The following ARSF variants were observed in gnomAD, a reference collection of about 807,000 sequenced individuals.
ARSF encodes the protein arylsulfatase F.
In ARSF, 33 loss-of-function variants were observed where a neutral mutation model predicts 35.4. That is an observed-to-expected ratio of 0.93 (90% CI 0.71 to 1.25). The LOEUF (loss-of-function observed/expected upper bound fraction) is 1.25. ARSF is among the 50% of genes most tolerant of loss of function. The probability of loss-of-function intolerance (pLI) is 0.00; values close to 1 mark genes in which losing one functional copy is unlikely to be tolerated. For missense variants in ARSF, 501 were observed against 480.2 expected (o/e 1.04, Z -0.40); for synonymous variants, 222 against 193.1 (o/e 1.15, Z -1.24).
chrX:3,093,059 G>A (rs920230143), intron 7 of ARSF, among the ~76,000 whole-genome samples: 3 of 110,125 alleles, frequency 2.7e-5, no homozygotes, highest in Non-Finnish European at 5.7e-5. Flanking sequence ...CCAGCTACTC[G>A]GGAGGCTGAG....
At chrX:3,061,060 G>A (rs1331911851) in intron 1 of ARSF, among the ~76,000 whole-genome samples, 1 of 111,308 alleles carries the variant, frequency 9.0e-6, no homozygotes, top group Non-Finnish European at 1.9e-5. Context: ...GAGAAAGGTC[G>A]GGTTACCCAC....
chrX:3,046,520 A>G (rs2089976163), intron 1 of ARSF, among the ~76,000 whole-genome samples: 1 of 112,241 alleles, frequency 8.9e-6, no homozygotes, highest in African/African-American at 3.2e-5. Flanking sequence ...CAAAGCCACC[A>G]GAGGAATTTA....
At chrX:3,089,976 G>A (rs2090277157) in intron 7 of ARSF, among the ~76,000 whole-genome samples, 1 of 111,354 alleles carries the variant, frequency 9.0e-6, no homozygotes, top group African/African-American at 3.3e-5. Context: ...TTACCTGGGT[G>A]TATTACGTGA....
At chrX:3,066,782 G>A (rs946312974) in intron 1 of ARSF, 7 of 110,737 alleles carry the variant, frequency 6.3e-5, no homozygotes, top group Non-Finnish European at 1.1e-4. Context: ...CTTTCGTAAT[G>A]ATTCGAGGCA....
intron 2 of ARSF, among the ~76,000 whole-genome samples, chrX:3,069,833 G>A (rs1470651376): frequency 9.1e-6 from 1 of 109,669 alleles, no homozygotes; most frequent in African/African-American, 3.3e-5. Context: ...TTTGAAATAC[G>A]CCTGCATTTT....
At chrX:3,084,704 A>G (rs376314699) in intron 6 of ARSF, 38 bp downstream of exon 6, 3 of 1,115,896 alleles carry the variant, frequency 2.7e-6, no homozygotes, top group Non-Finnish European at 2.4e-6. Flanking sequence ...AATAATGATA[A>G]TGATCTCTTT....
chrX:3,106,534 C>A (rs1025899609), intron 9 of ARSF, among the ~76,000 whole-genome samples: 2 of 111,740 alleles, frequency 1.8e-5, no homozygotes, highest in African/African-American at 6.5e-5. Context: ...CTTCAATCCC[C>A]AACACAATGA....
At chrX:3,062,655 ATGAGAGAATAC>A (rs1318339964) in intron 1 of ARSF, among the ~76,000 whole-genome samples, 2 of 111,965 alleles carry the variant, frequency 1.8e-5, no homozygotes, top group African/African-American at 6.5e-5. Context: ...ACAAACTACC[ATGAGAGAATAC>A]TATAAACACC....
chrX:3,071,945 C>T (rs2090107306), intron 2 of ARSF, 81 bp from the exon 3 acceptor site: 5 of 1,022,374 alleles, frequency 4.9e-6, no homozygotes, highest in Middle Eastern at 3.5e-4. Context: ...TCCAAAGACC[C>T]CTGTTGTGTT....
Position 3,042,794 on chromosome X carries a change from G to A in ARSF, c.-29+1131G>A, listed in dbSNP as rs146573407. Among the ~76,000 whole-genome samples the A allele has an allele frequency of 8.3e-3, 914 of 110,611 alleles. 3 individuals carry two copies. Among genetic ancestry groups the A allele is most frequent in the Non-Finnish European group, 0.011 (577 of 52,886 alleles). ...ATAACAGGTGCAAGCCACCGCACCC[G>A]GCCAGATTCTAGGTTTATTTAAGGG... On this transcript the variant is annotated intron_variant, in intron 1 of 10. Transcript: ENST00000381127.
At chrX:3,054,264 C>T (rs1178178641) in intron 1 of ARSF, among the ~76,000 whole-genome samples, 1 of 111,093 alleles carries the variant, frequency 9.0e-6, no homozygotes, top group African/African-American at 3.3e-5. Context: ...TCCAAATTCT[C>T]TATTACTACC....
intron 1 of ARSF, among the ~76,000 whole-genome samples, chrX:3,053,922 C>T (rs1045168234): frequency 2.5e-4 from 27 of 109,588 alleles, no homozygotes; most frequent in African/African-American, 8.3e-4. Flanking sequence ...CCACCACACC[C>T]GGCTAATTTT....
chrX:3,052,773 T>C (rs1291713086), intron 1 of ARSF, among the ~76,000 whole-genome samples: 6 of 111,395 alleles, frequency 5.4e-5, no homozygotes, highest in African/African-American at 2.0e-4. Context: ...GCTACCTTTT[T>C]TTATGCATAC....
chrX:3,089,754 A>C (rs1214432014), intron 7 of ARSF, 122 bp downstream of exon 7: 1 of 769,096 alleles, frequency 1.3e-6, no homozygotes, highest in East Asian at 3.3e-5. Flanking sequence ...GAGTGGTCTG[A>C]GACATTAATG....
intron 8 of ARSF, 137 bp from the exon 9 acceptor site, chrX:3,103,625 C>T (rs938542352): frequency 5.8e-5 from 40 of 688,551 alleles, no homozygotes; most frequent in Non-Finnish European, 6.9e-5. Context: ...GCACTACTTA[C>T]CCCACTAGGA....
Position 3,093,121 on chromosome X carries a change from C to T in ARSF, c.967+3489C>T, listed in dbSNP as rs537757661. On this transcript the variant is annotated intron_variant, in intron 7 of 10. Coordinates refer to ENST00000381127, the MANE Select transcript of ARSF (RefSeq NM_001201539.2). ...GCAGAGCTTGCAGTGGCCGAGATCG[C>T]GCCACTGCACTCCAGCCTGGGCAAC... 4.7e-4 allele frequency among the ~76,000 whole-genome samples: 52 copies of T among 111,318 alleles called. 1 individual carries two copies. The highest frequency in any genetic ancestry group is 1.0e-3 in the Admixed American group (11 of 10,569).
intron 1 of ARSF, among the ~76,000 whole-genome samples, chrX:3,062,548 G>A (rs1397514213): frequency 1.8e-5 from 2 of 111,197 alleles, no homozygotes; most frequent in East Asian, 5.6e-4. Flanking sequence ...AAAATTGATA[G>A]GCCGCTAACA....
At chrX:3,072,277 G>A (rs2090111065) in intron 3 of ARSF, 102 bp downstream of exon 3, 2 of 877,767 alleles carry the variant, frequency 2.3e-6, no homozygotes, top group Non-Finnish European at 3.1e-6. Flanking sequence ...TATTTGTTGG[G>A]ACTTTTTTTT....
At chrX:3,090,221 T>TACTA (rs1433949607) in intron 7 of ARSF, among the ~76,000 whole-genome samples, 1 of 112,036 alleles carries the variant, frequency 8.9e-6, no homozygotes, top group Non-Finnish European at 1.9e-5. Context: ...CGTTAAAAGA[T>TACTA]ACGTATAGAT....
Sources: allele counts gnomAD v4.1 joint callset (sites outside exome capture counted in the v4.1 genomes callset), GRCh38; gene constraint gnomAD v4.1.1; transcripts MANE v1.5; gene names NCBI Gene and HGNC (gene_info 2026-07-23, HGNC 2026-07-21).